Variants in ARHGEF18 observed in about 807,000 individuals in gnomAD.
ARHGEF18 encodes rho guanine nucleotide exchange factor 18.
Under a neutral mutation model 155.7 loss-of-function variants are expected in ARHGEF18, and 93 were observed. The ratio of observed to expected loss-of-function variants is 0.60; its 90% confidence interval spans 0.50 to 0.71. The LOEUF (loss-of-function observed/expected upper bound fraction) is 0.71. ARHGEF18 is among the 30% of genes least tolerant of loss of function. ARHGEF18 has a pLI of 0.00. For missense variants in ARHGEF18, 1,593 were observed against 1,816.1 expected, an observed-to-expected ratio of 0.88 and a Z score of 2.23; for synonymous variants, 742 against 753.1, an observed-to-expected ratio of 0.99 and a Z score of 0.24.
intron 10 of ARHGEF18, among the ~76,000 whole-genome samples, chr19:7,435,836 T>C (rs1974222088): frequency 6.6e-6 from 1 of 152,176 alleles, no homozygotes; most frequent in South Asian, 2.1e-4. Context: ...CCTCTTATTC[T>C]ATTTCATTTC....
intron 10 of ARHGEF18, among the ~76,000 whole-genome samples, chr19:7,396,466 C>G (rs913048404): frequency 1.3e-5 from 2 of 152,028 alleles, no homozygotes; most frequent in Non-Finnish European, 2.9e-5. Context: ...GCCTGTAATC[C>G]CAGCACTTTG....
At position 7,373,046 on chromosome 19, in the gene ARHGEF18, C is replaced by T. The variant is rs549750419; in HGVS notation, c.250C>T (p.Arg84Trp). ...AAGGCGGCGCAGCTGGGAAAGGTCG[C>T]GGAGCTGCTCAGAGAGCTGGCGGAG... ...LSRRRSWERS[R>W]SCSESWRRLS... Residue 84 changes from arginine to tryptophan, a missense_variant, in exon 3 of 29, where the codon CGG becomes TGG. Physicochemically the swap from Arg to Trp is moderately radical, Grantham distance 101 (BLOSUM62 -3). Transcript: ENST00000668164. 2.0e-4 allele frequency: 244 copies of T among 1,234,410 alleles called. 1 individual carries two copies. In the South Asian group the frequency reaches 8.6e-3, roughly 44 times the overall value. The allele number at this position is 1,234,410 out of a possible 1,614,324, so 76.5% of individuals were successfully genotyped here.
intron 2 of ARHGEF18, 106 bp downstream of exon 2, chr19:7,363,011 C>T: frequency 8.4e-7 from 1 of 1,192,182 alleles, no homozygotes; most frequent in Non-Finnish European, 1.1e-6. Context: ...TACATTATCT[C>T]AGGGAATCCT....
chr19:7,353,056 G>T (rs551126160), intron 1 of ARHGEF18, among the ~76,000 whole-genome samples: 1 of 148,546 alleles, frequency 6.7e-6, no homozygotes, highest in South Asian at 2.2e-4. Context: ...GGCTGGTCTC[G>T]AACTCCTGAC....
At chr19:7,422,229 C>T (rs1973389819) in intron 10 of ARHGEF18, among the ~76,000 whole-genome samples, 1 of 152,118 alleles carries the variant, frequency 6.6e-6, no homozygotes, top group Non-Finnish European at 1.5e-5. Flanking sequence ...CCCCTGGCTC[C>T]TATTCTGGAA....
At chr19:7,477,418 C>T, downstream of ARHGEF18, 1 of 1,476,550 alleles carries the variant, frequency 6.8e-7, no homozygotes, top group South Asian at 1.4e-5. Context: ...TGGCCCTCCG[C>T]TTGCCCCGGG....
chr19:7,399,176 C>T (rs1187133757), intron 10 of ARHGEF18, among the ~76,000 whole-genome samples: 1 of 152,020 alleles, frequency 6.6e-6, no homozygotes, highest in Non-Finnish European at 1.5e-5. Context: ...GTTTGAAAAC[C>T]CTCTCTCTAG....
rs1970817763 is a variant in ARHGEF18, at chr19:7,383,002, GTA to G, written c.826-55_826-54del. 1.9e-5 allele frequency: 23 copies of G among 1,232,368 alleles called. No individual in the cohort carries two copies. In the South Asian group the frequency reaches 9.0e-4, roughly 48 times the overall value. The allele number at this position is 1,232,368 out of a possible 1,614,324, so 76.3% of individuals were successfully genotyped here. A position where few individuals can be genotyped will look rare whatever the true frequency, so the allele number is the denominator to read the frequency against. The stretch of plus-strand genomic sequence containing the variant: ...GGGCTGGTGGTGGGCTGGGTACACA[GTA>G]TATAAGAGGGCCAGTGCCTGCAGAG... On this transcript the variant is annotated intron_variant, in intron 9 of 28. Coordinates refer to ENST00000668164, the MANE Select transcript of ARHGEF18 (RefSeq NM_001367823.1).
chr19:7,399,662 A>G (rs982516887), intron 10 of ARHGEF18, among the ~76,000 whole-genome samples: 3 of 151,350 alleles, frequency 2.0e-5, no homozygotes, highest in African/African-American at 7.3e-5. Flanking sequence ...TTGTATTTTT[A>G]GTAGAGATTG....
At chr19:7,451,436 T>C (rs1267792171) in intron 16 of ARHGEF18, among the ~76,000 whole-genome samples, 170 bp downstream of exon 16, 1 of 140,718 alleles carries the variant, frequency 7.1e-6, no homozygotes, top group Non-Finnish European at 1.5e-5. Context: ...AGAGACAGAG[T>C]CTCACTCTGT....
At chr19:7,426,882 G>A (rs1464206276) in intron 10 of ARHGEF18, among the ~76,000 whole-genome samples, 1 of 152,192 alleles carries the variant, frequency 6.6e-6, no homozygotes, top group Non-Finnish European at 1.5e-5. Flanking sequence ...GGACTCTTGA[G>A]TTCTTAGTTA....
chr19:7,433,223 T>A (rs1324263722), intron 10 of ARHGEF18, among the ~76,000 whole-genome samples: 1 of 151,248 alleles, frequency 6.6e-6, no homozygotes, highest in East Asian at 1.9e-4. Context: ...TCCCAGCACT[T>A]TGGGAGGCCA....
chr19:7,478,522 C>T, the ARHGEF18 span: 8 of 824,226 alleles, frequency 9.7e-6, no homozygotes, highest in Admixed American at 1.5e-4. Flanking sequence ...AGTCCCACAC[C>T]CTCCTGGCTG....
chr19:7,473,069 CTT>C, downstream of ARHGEF18: 1 of 456,248 alleles, frequency 2.2e-6, no homozygotes, highest in Non-Finnish European at 4.4e-6. Context: ...CCACGAAAAT[CTT>C]TTTGCTTTTA....
chr19:7,475,078 A>G (rs1269165712), downstream of ARHGEF18, among the ~76,000 whole-genome samples: 2 of 152,124 alleles, frequency 1.3e-5, no homozygotes, highest in African/African-American at 2.4e-5. Context: ...TACTAAAAAT[A>G]CAAAATTAGC....
intron 10 of ARHGEF18, among the ~76,000 whole-genome samples, chr19:7,419,720 A>T (rs997908461): frequency 3.3e-5 from 5 of 152,200 alleles, no homozygotes; most frequent in African/African-American, 1.2e-4. Flanking sequence ...TGAGTTGCGT[A>T]GGGTGTGTTG....
At chr19:7,447,229 G>T in intron 15 of ARHGEF18, 61 bp downstream of exon 15, 1 of 1,487,956 alleles carries the variant, frequency 6.7e-7, no homozygotes, top group Non-Finnish European at 9.0e-7. Flanking sequence ...AGTGGCTCAC[G>T]CCTGTAATCC....
chr19:7,451,387 G>A (rs1975455793), intron 16 of ARHGEF18, 121 bp downstream of exon 16: 4 of 751,838 alleles, frequency 5.3e-6, no homozygotes, highest in African/African-American at 1.8e-5. Context: ...CAGTTTGCTG[G>A]GTGCTGGGGT....
chr19:7,417,431 C>T (rs191228293), intron 10 of ARHGEF18, among the ~76,000 whole-genome samples: 51 of 152,252 alleles, frequency 3.3e-4, no homozygotes, highest in Middle Eastern at 3.4e-3. Flanking sequence ...AGCACAGTGG[C>T]TCACACCTGT....
Sources: allele counts gnomAD v4.1 joint callset (sites outside exome capture counted in the v4.1 genomes callset), GRCh38; gene constraint gnomAD v4.1.1; transcripts MANE v1.5; gene names NCBI Gene and HGNC (gene_info 2026-07-23, HGNC 2026-07-21).